Variants in SLC43A2 observed in about 807,000 individuals in gnomAD.
The protein encoded by SLC43A2 is large neutral amino acids transporter small subunit 4.
SLC43A2 carries 38 observed loss-of-function variants against 63.2 expected under a neutral mutation model. The observed-to-expected ratio is 0.60, with a 90% confidence interval of 0.46 to 0.79. The LOEUF (loss-of-function observed/expected upper bound fraction) is 0.79, where lower values mean the gene tolerates loss of function less well. Ranked by LOEUF, SLC43A2 falls within the 30% of genes least tolerant of loss-of-function variation. The pLI, the probability that SLC43A2 is intolerant of heterozygous loss-of-function variation, is 0.00. For missense variants in SLC43A2, 644 were observed against 756.2 expected, an observed-to-expected ratio of 0.85 and a Z score of 1.74; for synonymous variants, 322 against 331.0, an observed-to-expected ratio of 0.97 and a Z score of 0.30.
chr17:1,584,799 G>A (rs562316763), intron 10 of SLC43A2, among the ~76,000 whole-genome samples: 98 of 147,344 alleles, frequency 6.7e-4, no homozygotes, highest in African/African-American at 2.0e-3. Flanking sequence ...CAGCCTGGGC[G>A]ACAGAGCGAG....
chr17:1,591,019 C>T (rs1904716991), intron 8 of SLC43A2, 71 bp from the exon 9 acceptor site: 1 of 1,506,516 alleles, frequency 6.6e-7, no homozygotes, highest in African/African-American at 1.4e-5. Flanking sequence ...ACGCAGATCC[C>T]TCCACGCTGG....
intron 11 of SLC43A2, among the ~76,000 whole-genome samples, chr17:1,582,077 T>G (rs977443616): frequency 1.2e-4 from 18 of 149,874 alleles, no homozygotes; most frequent in African/African-American, 3.9e-4. Context: ...AGTGTTTTGG[T>G]TTTTTTTGGT....
intron 5 of SLC43A2, among the ~76,000 whole-genome samples, chr17:1,600,549 CTTT>C (rs398030152): frequency 1.2e-3 from 85 of 73,738 alleles, no homozygotes; most frequent in Admixed American, 1.8e-3. Context: ...TTTCTTTCCT[CTTT>C]TTTTTTTTTT....
At chr17:1,609,295 G>A (rs967419722) in intron 5 of SLC43A2, among the ~76,000 whole-genome samples, 3 of 152,028 alleles carry the variant, frequency 2.0e-5, no homozygotes, top group African/African-American at 7.2e-5. Flanking sequence ...TCTGCCTCCC[G>A]GGTTCAAGCG....
At chr17:1,597,340 T>TA (rs1030605787) in intron 5 of SLC43A2, among the ~76,000 whole-genome samples, 19 of 136,064 alleles carry the variant, frequency 1.4e-4, no homozygotes, top group East Asian at 2.3e-4. Context: ...CCGTCCCTGC[T>TA]AAAAAAATGC....
chr17:1,586,976 A>C (rs976636140), intron 9 of SLC43A2: 45 of 1,527,526 alleles, frequency 2.9e-5, no homozygotes, highest in Non-Finnish European at 3.1e-5. Flanking sequence ...TCAAGAAAGC[A>C]AAAGTGAAAA....
intron 5 of SLC43A2, 82 bp downstream of exon 5, chr17:1,613,113 A>G: frequency 1.6e-6 from 2 of 1,271,000 alleles, no homozygotes; most frequent in Non-Finnish European, 2.3e-6. Context: ...CATGGAAGGC[A>G]AGGAAACAGA....
chr17:1,608,635 C>A (rs1441015095), intron 5 of SLC43A2, among the ~76,000 whole-genome samples: 1 of 152,160 alleles, frequency 6.6e-6, no homozygotes, highest in African/African-American at 2.4e-5. Context: ...CTCAGGTGAT[C>A]CACCCACCTT....
chr17:1,606,805 G>A lies in SLC43A2; in HGVS notation c.501+6390C>T, dbSNP rs1377178805. 6.6e-6 allele frequency among the ~76,000 whole-genome samples: 1 copy of A among 152,250 alleles called. No homozygotes were observed. Among genetic ancestry groups the A allele is most frequent in the Admixed American group, 6.5e-5 (1 of 15,292 alleles). ...GGCGTCCGCCCTCCACGGATGGCAC[G>A]CGATGGCCCAGGCCCTGTGCTGCAG... On this transcript the variant is annotated intron_variant, in intron 5 of 13. Coordinates refer to ENST00000301335, the MANE Select transcript of SLC43A2 (RefSeq NM_152346.3). This position sits in a 1 kb window ranked among gnomAD's most constrained non-coding sequence, Gnocchi z 4.7.
At chr17:1,614,870 G>T in intron 4 of SLC43A2, 109 bp downstream of exon 4, 2 of 1,099,890 alleles carry the variant, frequency 1.8e-6, no homozygotes, top group Non-Finnish European at 2.7e-6. Flanking sequence ...TCTAACTTGA[G>T]CAGGGAGCAG....
intron 5 of SLC43A2, among the ~76,000 whole-genome samples, chr17:1,607,406 G>A (rs1257779815): frequency 6.6e-6 from 1 of 151,746 alleles, no homozygotes; most frequent in Non-Finnish European, 1.5e-5. Flanking sequence ...GTCAGCCCAA[G>A]AGTGTTGCTT....
At chr17:1,621,652 T>C (rs1908171248) in intron 2 of SLC43A2, among the ~76,000 whole-genome samples, 1 of 152,194 alleles carries the variant, frequency 6.6e-6, no homozygotes, top group Admixed American at 6.5e-5. Flanking sequence ...CCAGCTGCCA[T>C]GCTCAACGGG....
At chr17:1,619,647 T>C (rs1271481320) in intron 2 of SLC43A2, among the ~76,000 whole-genome samples, 1 of 152,200 alleles carries the variant, frequency 6.6e-6, no homozygotes, top group Non-Finnish European at 1.5e-5. Context: ...GGGCAGCTTC[T>C]GGAAAGGAGG....
At chr17:1,598,479 G>A (rs1905544121) in intron 5 of SLC43A2, among the ~76,000 whole-genome samples, 1 of 152,132 alleles carries the variant, frequency 6.6e-6, no homozygotes, top group South Asian at 2.1e-4. Flanking sequence ...AGGGCAAATG[G>A]AAGCCCAGAG....
Position 1,575,682 on chromosome 17 carries a change from C to A in SLC43A2, c.1632G>T (p.Arg544=), listed in dbSNP as rs761677617. Residue 544 remains arginine, a synonymous_variant, in exon 14 of 14, where the codon CGG becomes CGT. Transcript: ENST00000301335. ...YLICYRRQLE[R]QLQQRQEDDK... ...CATCCTCCTGCCTCTGCTGCAGCTG[C>A]CGCTCCAGCTGGCGCCGGTAGCAGA... is the stretch of plus-strand genomic sequence containing the variant. 1 of 1,614,146 alleles carries A rather than the reference C, an allele frequency of 6.2e-7. No individual in the cohort carries two copies. The highest frequency in any genetic ancestry group is 1.1e-5 in the South Asian group (1 of 91,086).
Position 1,607,392 on chromosome 17 carries a change from C to T in SLC43A2, c.501+5803G>A, listed in dbSNP as rs192615572. On this transcript the variant is annotated intron_variant, in intron 5 of 13. Transcript: ENST00000301335. ...AGATTCGGCTCTGCTCAGCAGAAGC[C>T]CCAGTCAGCCCAAGAGTGTTGCTTA... Among the ~76,000 whole-genome samples the T allele has an allele frequency of 4.5e-3, 692 of 152,232 alleles. 8 individuals carry two copies. The highest frequency in any genetic ancestry group is 0.016 in the African/African-American group (647 of 41,508).
In SLC43A2 at chr17:1,605,755, C is replaced by T. The variant is rs1906550942; in HGVS notation, c.501+7440G>A. Among the ~76,000 whole-genome samples the T allele has an allele frequency of 6.6e-6, 1 of 152,220 alleles. No homozygotes were observed. The highest frequency in any genetic ancestry group is 1.5e-5 in the Non-Finnish European group (1 of 68,042). On this transcript the variant is annotated intron_variant, in intron 5 of 13. Coordinates refer to ENST00000301335, the MANE Select transcript of SLC43A2 (RefSeq NM_152346.3). The surrounding 1 kb of genome is among the most constrained non-coding windows in gnomAD (Gnocchi z 4.9). Reference sequence around the variant, plus strand: ...CCCGGAACCAGACTGCACAGGTAGACTCTGCCAGGCTGGGCTGTTTCCTAC... The same window carrying T: ...CCCGGAACCAGACTGCACAGGTAGATTCTGCCAGGCTGGGCTGTTTCCTAC...
At position 1,593,798 on chromosome 17, in the gene SLC43A2, T is replaced by C. The variant is rs1160070682; in HGVS notation, c.502-519A>G. Among the ~76,000 whole-genome samples, 4 of 152,140 alleles carry C rather than the reference T, an allele frequency of 2.6e-5. No homozygotes were observed. Among genetic ancestry groups the C allele is most frequent in the Non-Finnish European group, 5.9e-5 (4 of 68,022 alleles). ...GTCAATCAGAATTCTACAGTTCTCT[T>C]CGGTCTGAGGATGAAGCTGGCCCAG... On this transcript the variant is annotated intron_variant, in intron 5 of 13. Transcript: ENST00000301335. This position sits in a 1 kb window ranked among gnomAD's most constrained non-coding sequence, Gnocchi z 5.3.
At chr17:1,594,196 A>G (rs1277691538) in intron 5 of SLC43A2, among the ~76,000 whole-genome samples, 2 of 152,192 alleles carry the variant, frequency 1.3e-5, no homozygotes, top group African/African-American at 2.4e-5. Context: ...AGCAGTTAGC[A>G]TCCTGGAAGG....
Sources: gnomAD v4.1 joint callset for allele counts (sites outside exome capture counted in the v4.1 genomes callset) on GRCh38, gnomAD v4.1.1 for gene constraint, Gnocchi (gnomAD v3.1) non-coding constraint, MANE v1.5 for transcripts, NCBI Gene and HGNC (gene_info 2026-07-23, HGNC 2026-07-21) for gene names.